Variants in BET1 observed in about 807,000 individuals in gnomAD.
BET1 encodes Bet1 golgi vesicular membrane trafficking protein.
In BET1, 9 loss-of-function variants were observed where a neutral mutation model predicts 13.9. The ratio of observed to expected loss-of-function variants is 0.65; its 90% CI spans 0.39 to 1.13. The LOEUF is 1.13. Ranked by LOEUF, BET1 falls within the 50% of genes most tolerant of loss-of-function variation. The pLI is 0.01. For synonymous variants in BET1, 39 were observed against 47.3 expected (o/e 0.82, Z 0.72); for missense variants, 127 against 133.6 (o/e 0.95, Z 0.24).
rs1486344911 is a variant in BET1 at position 93,994,147 on chromosome 7, G to A, written c.*83C>T. ...AAAATGCCACAGTATTTGAACACTA[G>A]GAATGTTTTGATGCTGATTTTTATC... On this transcript the variant is annotated 3_prime_UTR_variant, in exon 4 of 4. Transcript: ENST00000222547. 19 of 1,507,004 alleles carry A rather than the reference G, an allele frequency of 1.3e-5. No homozygotes were observed. The highest frequency in any genetic ancestry group is 1.7e-5 in the Non-Finnish European group (19 of 1,133,496). 93.4% of individuals were successfully genotyped at this position (1,507,004 alleles called of 1,614,324 possible). A position where few individuals can be genotyped will look rare whatever the true frequency, so the allele number is the denominator to read the frequency against.
Position 93,993,873 on chromosome 7 carries a change from T to C in BET1, c.*357A>G. 6.5e-7 allele frequency: 1 copy of C among 1,535,846 alleles called. No individual in the cohort carries two copies. The highest frequency in any genetic ancestry group is 8.7e-7 in the Non-Finnish European group (1 of 1,146,762). On this transcript the variant is annotated 3_prime_UTR_variant, in exon 4 of 4. Transcript: ENST00000222547. Reference sequence around the variant, plus strand: ...AGAGTCAGGCTCTCCAGGCATTCTGTTACTCTCCCACTAAGTTTCCTTACA... The same window carrying C: ...AGAGTCAGGCTCTCCAGGCATTCTGCTACTCTCCCACTAAGTTTCCTTACA...
intron 4 of BET1, among the ~76,000 whole-genome samples, chr7:93,987,929 A>G (rs1454642716): frequency 6.6e-6 from 1 of 152,170 alleles, no homozygotes; most frequent in Non-Finnish European, 1.5e-5. Context: ...GAAGAATTTT[A>G]ATTTAGCAAT....
downstream of BET1, chr7:93,992,739 C>G (rs2116107623): frequency 1.1e-6 from 1 of 944,302 alleles, no homozygotes; most frequent in East Asian, 1.2e-4. Context: ...TATCGCATAC[C>G]AGGCACTTTA....
chr7:93,966,307 C>T (rs1328318632), intron 6 of BET1, among the ~76,000 whole-genome samples: 3 of 151,782 alleles, frequency 2.0e-5, no homozygotes, highest in African/African-American at 7.3e-5. Context: ...AAATTTAAAA[C>T]AATGAAATAA....
intron 6 of BET1, among the ~76,000 whole-genome samples, chr7:93,968,928 C>T (rs1485196796): frequency 6.6e-6 from 1 of 151,804 alleles, no homozygotes; most frequent in Non-Finnish European, 1.5e-5. Flanking sequence ...GTGTTCTTTT[C>T]AATGTCTATG....
intron 4 of BET1, among the ~76,000 whole-genome samples, chr7:93,984,774 T>C (rs903039168): frequency 6.6e-6 from 1 of 152,072 alleles, no homozygotes; most frequent in Non-Finnish European, 1.5e-5. Flanking sequence ...TCAAAGAAAA[T>C]TCAGATATAA....
At chr7:93,999,021 C>T in intron 2 of BET1, 149 bp downstream of exon 2, 1 of 501,924 alleles carries the variant, frequency 2.0e-6, no homozygotes, top group Non-Finnish European at 3.1e-6. Flanking sequence ...AAAGCACAGT[C>T]TAAATTTTGA....
intron 4 of BET1, among the ~76,000 whole-genome samples, chr7:93,981,427 A>G (rs993014882): frequency 8.5e-5 from 13 of 152,314 alleles, no homozygotes; most frequent in Admixed American, 5.2e-4. Flanking sequence ...TGTTCTCCCA[A>G]GTAAAATCTT....
chr7:93,985,309 C>T (rs1795505463), intron 4 of BET1, among the ~76,000 whole-genome samples: 1 of 152,106 alleles, frequency 6.6e-6, no homozygotes, highest in African/African-American at 2.4e-5. Flanking sequence ...GCCTGAATTC[C>T]AAACTTTATG....
intron 3 of BET1, among the ~76,000 whole-genome samples, chr7:93,994,679 T>C (rs985072681): frequency 6.6e-6 from 1 of 152,124 alleles, no homozygotes; most frequent in Non-Finnish European, 1.5e-5. Flanking sequence ...ATTATGTGGA[T>C]AAAAAAAATT....
Position 93,979,172 on chromosome 7 carries a change from T to A in BET1, c.236-3072A>T, listed in dbSNP as rs1795387303. On this transcript the variant is annotated intron_variant and NMD_transcript_variant, in intron 4 of 6. Transcript: ENST00000357520. Reference sequence around the variant, plus strand: ...TCAGGAAGACAGGAAGGGAGTATCTTCAATCCCTTTGGCTTCTGGAGTGGG... The same window carrying A: ...TCAGGAAGACAGGAAGGGAGTATCTACAATCCCTTTGGCTTCTGGAGTGGG... 2.0e-5 allele frequency among the ~76,000 whole-genome samples: 3 copies of A among 152,140 alleles called. No individual in the cohort carries two copies. The South Asian group carries it at 6.2e-4, about 32-fold the overall frequency.
chr7:93,991,980 T>G (rs549519963), downstream of BET1: 1 of 985,268 alleles, frequency 1.0e-6, no homozygotes, highest in African/African-American at 1.7e-5. Context: ...TGGGGACAGG[T>G]GCTAGGGTTC....
chr7:93,993,763 G>A lies in BET1; in HGVS notation c.*467C>T. 1 of 1,409,220 alleles carries A rather than the reference G, an allele frequency of 7.1e-7. No homozygotes were observed. Among genetic ancestry groups the A allele is most frequent in the South Asian group, 1.7e-5 (1 of 58,288 alleles). The allele number at this position is 1,409,220 out of a possible 1,614,324, so 87.3% of individuals were successfully genotyped here. On this transcript the variant is annotated 3_prime_UTR_variant, in exon 4 of 4. Coordinates refer to ENST00000222547, the MANE Select transcript of BET1 (RefSeq NM_005868.6). ...ACAATTTTAACTAAATAAAGGAGGA[G>A]AAGGGAGTATATCATTACAGTTGAT...
chr7:93,991,763 G>A (rs937470655), downstream of BET1: 5 of 950,300 alleles, frequency 5.3e-6, no homozygotes, highest in Admixed American at 6.2e-5. Context: ...TAGCCACAAT[G>A]CTACTCTGCT....
chr7:93,993,537 C>T lies in BET1; in HGVS notation c.*693G>A, dbSNP rs1562806110. On this transcript the variant is annotated 3_prime_UTR_variant, in exon 4 of 4. Transcript: ENST00000222547. ...TACCTATGTAGTAAAAATCATAAAA[C>T]TATTATAAGCCAAGTCAAGAGAATT... is the stretch of plus-strand genomic sequence containing the variant. 6 of 1,011,210 alleles carry T rather than the reference C, an allele frequency of 5.9e-6. No individual in the cohort carries two copies. The South Asian group carries it at 1.4e-4, about 23-fold the overall frequency. The allele number at this position is 1,011,210 out of a possible 1,614,324, so 62.6% of individuals were successfully genotyped here.
intron 4 of BET1, among the ~76,000 whole-genome samples, chr7:93,985,864 A>G (rs993741014): frequency 6.6e-6 from 1 of 152,176 alleles, no homozygotes; most frequent in Non-Finnish European, 1.5e-5. Flanking sequence ...CCAAGCTGAT[A>G]AGCAATTAAG....
Position 93,996,304 on chromosome 7 carries a change from GC to G in BET1, c.161del (p.Gly54AlafsTer11). 1 of 1,578,390 alleles carries G rather than the reference GC, an allele frequency of 6.3e-7. No individual in the cohort carries two copies. The highest frequency in any genetic ancestry group is 1.2e-5 in the South Asian group (1 of 85,424). Reference protein sequence around the residue: ...TAIKSLSIEIGHEVKTQNKLL... With the variant: ...TAIKSLSIEIXHEVKTQNKLL... ...ATTTATTCTGGGTTTTAACTTCATG[GC>G]CTATTTCAATGGAAAGCTATAAAGA... On this transcript the variant is annotated frameshift_variant, in exon 3 of 4. Transcript: ENST00000222547. LOFTEE classifies it high-confidence loss of function.
chr7:93,991,808 G>C (rs773617342), downstream of BET1: 244 of 967,474 alleles, frequency 2.5e-4, no homozygotes, highest in Non-Finnish European at 2.8e-4. Flanking sequence ...TTATTCATCA[G>C]TATAGAATGA....
chr7:93,979,646 T>C (rs1170561626), intron 4 of BET1, among the ~76,000 whole-genome samples: 1 of 150,310 alleles, frequency 6.7e-6, no homozygotes, highest in Non-Finnish European at 1.5e-5. Flanking sequence ...AGTAAGAAAA[T>C]TCGACTCTCT....
Sources: gnomAD v4.1 joint callset for allele counts (sites outside exome capture counted in the v4.1 genomes callset) on GRCh38, gnomAD v4.1.1 for gene constraint, MANE v1.5 for transcripts, NCBI Gene and HGNC (gene_info 2026-07-23, HGNC 2026-07-21) for gene names.